Variants in BANP observed in about 807,000 individuals in gnomAD.
The protein encoded by BANP is protein BANP.
A neutral mutation model predicts 68.1 loss-of-function variants in BANP; 11 were observed. The ratio of observed to expected loss-of-function variants is 0.16; its 90% CI spans 0.10 to 0.27. BANP has a LOEUF of 0.27. Among genes scored for constraint, BANP ranks in the 10% least tolerant of loss-of-function variants. BANP has a pLI of 1.00. For missense variants in BANP, 504 were observed against 722.7 expected (o/e 0.70, Z 3.47); for synonymous variants, 329 against 303.2 (o/e 1.09, Z -0.88).
Position 88,001,287 on chromosome 16 carries a change from A to T in BANP, c.363-3008A>T, listed in dbSNP as rs866290184. ...GTCCTTCCAGACACCCAGACACGTC[A>T]ACATGCACGCACGTGCGCGGCTAGA... is the stretch of plus-strand genomic sequence containing the variant. On this transcript the variant is annotated intron_variant, in intron 4 of 13. Coordinates refer to ENST00000682872, the MANE Select transcript of BANP (RefSeq NM_001386991.1). Among the ~76,000 whole-genome samples, 14 of 67,764 alleles carry T rather than the reference A, an allele frequency of 2.1e-4. 1 individual carries two copies. The highest frequency in any genetic ancestry group is 4.8e-4 in the South Asian group (1 of 2,094). 44.5% of individuals were successfully genotyped at this position (67,764 alleles called of 152,430 possible).
intron 11 of BANP, among the ~76,000 whole-genome samples, chr16:88,046,072 T>C (rs12931447): frequency 0.47 from 71,868 of 152,164 alleles, 20,102 homozygotes; most frequent in Non-Finnish European, 0.65. Context: ...CTGGCACTGG[T>C]GCCCAGGTGG....
Position 88,027,636 on chromosome 16 carries a change from C to T in BANP, c.1049C>T (p.Ser350Phe). 2 of 1,613,412 alleles carry T rather than the reference C, an allele frequency of 1.2e-6. No individual in the cohort carries two copies. The highest frequency in any genetic ancestry group is 1.3e-5 in the African/African-American group (1 of 75,038). Residue 350 changes from serine to phenylalanine, a missense_variant, in exon 8 of 14, where the codon TCC (serine) becomes TTC (phenylalanine). Physicochemically the swap from Ser to Phe is radical, Grantham distance 155. This residue lies in a region of BANP where 223 missense variants were observed against 246.2 expected (regional missense o/e 0.91). Coordinates refer to ENST00000682872, the MANE Select transcript of BANP (RefSeq NM_001386991.1). ...TCGCGGAGAACGCCCAACTCGTCCT[C>T]CTACTGCCCTTCAGGTAGGCCTCGT... ...SFSRRTPNSS[S>F]YCPSEPMMST...
At position 88,036,498 on chromosome 16, in the gene BANP, C is replaced by T. The variant is rs921953288; in HGVS notation, c.1272+1104C>T. 3.9e-5 allele frequency among the ~76,000 whole-genome samples: 6 copies of T among 152,128 alleles called. No homozygotes were observed. Among genetic ancestry groups the T allele is most frequent in the Admixed American group, 1.3e-4 (2 of 15,270 alleles). ...GTGAGCAAGACTGTGGACACATGCA[C>T]GCCGTGGCACGTGGAGCACCAGGGA... On this transcript the variant is annotated intron_variant, in intron 10 of 13. Transcript: ENST00000682872. This position sits in a 1 kb window ranked among gnomAD's most constrained non-coding sequence, Gnocchi z 4.2.
intron 6 of BANP, among the ~76,000 whole-genome samples, chr16:88,012,732 G>A (rs919607083): frequency 2.0e-5 from 3 of 152,182 alleles, no homozygotes; most frequent in Admixed American, 6.5e-5. Flanking sequence ...AACATTTGTC[G>A]GAATTATTCT....
rs200707328 is a variant in BANP, at chr16:88,056,453, TTC to T, written c.1312-8806_1312-8805del. ...ACAAAGTGTTTGGCTGGGAAGCGTA[TTC>T]TCTCTCTTTTTTTTTTTTTTTAGAG... On this transcript the variant is annotated intron_variant, in intron 11 of 13. Transcript: ENST00000682872. Among the ~76,000 whole-genome samples the T allele has an allele frequency of 5.1e-5, 6 of 118,244 alleles. 1 individual carries two copies. In the South Asian group the frequency reaches 7.7e-4, roughly 15 times the overall value. The allele number at this position is 118,244 out of a possible 152,430, so 77.6% of individuals were successfully genotyped here.
intron 7 of BANP, among the ~76,000 whole-genome samples, chr16:88,026,229 C>G (rs1235932746): frequency 6.6e-6 from 1 of 152,202 alleles, no homozygotes. Flanking sequence ...CTGGCTTTGG[C>G]CCCACAGTGA....
intron 11 of BANP, among the ~76,000 whole-genome samples, chr16:88,052,746 C>T (rs1212799038): frequency 1.3e-5 from 2 of 151,978 alleles, no homozygotes; most frequent in African/African-American, 2.4e-5. Flanking sequence ...CCACTACCAC[C>T]ACCACCTTTA....
At chr16:88,066,566 A>G (rs2088676257) in intron 12 of BANP, among the ~76,000 whole-genome samples, 1 of 152,144 alleles carries the variant, frequency 6.6e-6, no homozygotes, top group South Asian at 2.1e-4. Flanking sequence ...AATTCTGTTT[A>G]TTTTCAGCTG....
intron 8 of BANP, among the ~76,000 whole-genome samples, chr16:88,031,596 C>T (rs367680376): frequency 6.6e-6 from 1 of 151,068 alleles, no homozygotes; most frequent in East Asian, 1.9e-4. Flanking sequence ...TTGCAGTGAG[C>T]CAAGGTCATA....
intron 13 of BANP, among the ~76,000 whole-genome samples, chr16:88,072,903 A>G (rs558747295): frequency 2.6e-5 from 4 of 151,922 alleles, no homozygotes; most frequent in African/African-American, 2.4e-5. Flanking sequence ...TCCTTGTTCT[A>G]CCTCCAGCCT....
chr16:88,060,673 C>T (rs1445319429), intron 11 of BANP, among the ~76,000 whole-genome samples: 1 of 152,196 alleles, frequency 6.6e-6, no homozygotes, highest in Non-Finnish European at 1.5e-5. Flanking sequence ...GCTCTTCTCA[C>T]CGTCAGCTCT....
At chr16:87,999,172 A>C (rs1483828210) in intron 4 of BANP, among the ~76,000 whole-genome samples, 17 of 76,674 alleles carry the variant, frequency 2.2e-4, no homozygotes, top group South Asian at 9.9e-4. Flanking sequence ...TTCCAGACAC[A>C]TCTCCATGCC....
intron 11 of BANP, 57 bp downstream of exon 11, chr16:88,038,068 C>G (rs909908201): frequency 3.9e-6 from 6 of 1,547,118 alleles, no homozygotes; most frequent in Non-Finnish European, 5.3e-6. Flanking sequence ...GGATGGGGTT[C>G]TCAGGGGAGG....
intron 11 of BANP, among the ~76,000 whole-genome samples, chr16:88,040,274 A>G (rs7192354): frequency 0.82 from 120,869 of 148,268 alleles, 49,725 homozygotes; most frequent in African/African-American, 0.94. Context: ...TTTTTTTTCC[A>G]TCATTTGGCC....
intron 4 of BANP, among the ~76,000 whole-genome samples, chr16:87,988,581 G>A (rs1049822804): frequency 2.0e-5 from 3 of 152,078 alleles, no homozygotes; most frequent in Non-Finnish European, 4.4e-5. Flanking sequence ...CAAATATTTT[G>A]AATGAAGATT....
At chr16:88,049,113 TGACACGGA>T in intron 11 of BANP, among the ~76,000 whole-genome samples, 1 of 152,046 alleles carries the variant, frequency 6.6e-6, no homozygotes. Flanking sequence ...AATTCAGTTC[TGACACGGA>T]GACAGCGTCG....
At chr16:88,030,701 C>A (rs1479396883) in intron 8 of BANP, among the ~76,000 whole-genome samples, 5 of 152,138 alleles carry the variant, frequency 3.3e-5, no homozygotes, top group African/African-American at 1.2e-4. Flanking sequence ...CGTGTGAAGC[C>A]GAGTGTTTTG....
chr16:87,974,827 G>T (rs926780762), intron 1 of BANP, among the ~76,000 whole-genome samples: 1 of 152,150 alleles, frequency 6.6e-6, no homozygotes, highest in Non-Finnish European at 1.5e-5. Flanking sequence ...CGGGTGGCTC[G>T]TCCAGTGGTT....
chr16:88,050,024 G>A (rs1314038812), intron 11 of BANP, among the ~76,000 whole-genome samples: 8 of 152,292 alleles, frequency 5.3e-5, no homozygotes, highest in Middle Eastern at 3.4e-3. Flanking sequence ...GTGTGTGGGC[G>A]TGGCCGGCTG....
Sources: allele counts gnomAD v4.1 joint callset (sites outside exome capture counted in the v4.1 genomes callset), GRCh38; gene constraint gnomAD v4.1.1; regional missense constraint gnomAD v4.1.1; non-coding constraint Gnocchi (gnomAD v3.1); transcripts MANE v1.5; gene names NCBI Gene and HGNC (gene_info 2026-07-23, HGNC 2026-07-21).